The following PRDM13 variants were observed in gnomAD, a reference collection of about 807,000 sequenced individuals.
PRDM13 encodes the protein PR/SET domain 13.
PRDM13 carries 15 observed loss-of-function variants against 36.4 expected under a neutral mutation model. That is an observed-to-expected ratio of 0.41 (90% confidence interval 0.28 to 0.64). The LOEUF is 0.64. Ranked by LOEUF, PRDM13 falls within the 30% of genes least tolerant of loss-of-function variation. The pLI is 0.29. For synonymous variants in PRDM13, 531 were observed against 467.7 expected (o/e 1.14, Z -1.75); for missense variants, 1,044 against 1,013.5 (o/e 1.03, Z -0.41).
chr6:99,613,673 G>T lies in PRDM13; in HGVS notation c.1038G>T (p.Ala346=). ...CGRPGSGENS[A]AGGAGHHHHH... is the part of the protein sequence containing the mutation. ...GCCCCGGGAGCGGGGAGAACTCGGC[G>T]GCGGGCGGCGCGGGTCACCACCATC... Residue 346 remains alanine, a synonymous_variant, in exon 4 of 4, where the codon GCG becomes GCT. Transcript: ENST00000369215. The surrounding 1 kb of genome is among the most constrained non-coding windows in gnomAD (Gnocchi z 6.1). 7.0e-7 allele frequency: 1 copy of T among 1,423,544 alleles called. No individual in the cohort carries two copies. Among genetic ancestry groups the T allele is most frequent in the Non-Finnish European group, 9.1e-7 (1 of 1,104,412 alleles). 88.2% of individuals were successfully genotyped at this position (1,423,544 alleles called of 1,614,324 possible).
Position 99,610,326 on chromosome 6 carries a change from G to A in PRDM13, c.397+1019G>A, listed in dbSNP as rs549349645. Among the ~76,000 whole-genome samples the A allele has an allele frequency of 3.9e-5, 6 of 152,302 alleles. No homozygotes were observed. In the South Asian group the frequency reaches 1.2e-3, roughly 32 times the overall value. ...GTCTAGGAGGTGCTAGAATAGTTGA[G>A]GTTTTGGAGACTTCCTTTTCACACA... On this transcript the variant is annotated intron_variant, in intron 3 of 3. Coordinates refer to ENST00000369215, the MANE Select transcript of PRDM13 (RefSeq NM_021620.4).
intron 1 of PRDM13, 67 bp from the exon 2 acceptor site, chr6:99,608,674 A>AAACT: frequency 6.5e-7 from 1 of 1,536,856 alleles, no homozygotes; most frequent in East Asian, 2.3e-5. Context: ...GGTGGAGGAT[A>AAACT]AACTTTCTGT....
At chr6:99,611,903 A>G (rs1440189099) in intron 3 of PRDM13, among the ~76,000 whole-genome samples, 1 of 152,196 alleles carries the variant, frequency 6.6e-6, no homozygotes, top group East Asian at 1.9e-4. Context: ...CAACTGCAAG[A>G]TCATTTCTCT....
In PRDM13 at chr6:99,614,751, G is replaced by A. The variant is rs770928099; in HGVS notation, c.2116G>A (p.Asp706Asn). ...CGAGGTTGGGGGCGGCGGGGAGCGC[G>A]ACTTGTAACGAGTCTTCCCGGGAAG... ...DPEVGGGGER[D>N]L is the part of the protein sequence containing the mutation. Residue 706 changes from aspartate (D) to asparagine (N), a missense_variant, in exon 4 of 4, where the codon GAC becomes AAC. By Grantham distance (23) the Asp-to-Asn change is conservative. Coordinates refer to ENST00000369215, the MANE Select transcript of PRDM13 (RefSeq NM_021620.4). 8.3e-6 allele frequency: 13 copies of A among 1,568,888 alleles called. No individual in the cohort carries two copies. Among genetic ancestry groups the A allele is most frequent in the African/African-American group, 1.4e-5 (1 of 73,350 alleles).
In PRDM13 at chr6:99,613,757, G is replaced by GCCA. The variant is rs1227683492; in HGVS notation, c.1124_1125insACC (p.Pro378dup). 5 of 1,484,140 alleles carry GCCA rather than the reference G, an allele frequency of 3.4e-6. No individual in the cohort carries two copies. The African/African-American group carries it at 5.9e-5, about 17-fold the overall frequency. 91.9% of individuals were successfully genotyped at this position (1,484,140 alleles called of 1,614,324 possible). A position where few individuals can be genotyped will look rare whatever the true frequency, so the allele number is the denominator to read the frequency against. On this transcript the variant is annotated inframe_insertion, in exon 4 of 4. Transcript: ENST00000369215. This position sits in a 1 kb window ranked among gnomAD's most constrained non-coding sequence, Gnocchi z 6.1. ...GCCTGCTCGCTGGGGACCCGCCGCC[G>GCCA]CCGCCGCCGCCTGGCCTGCCCTGCT...
intron 3 of PRDM13, among the ~76,000 whole-genome samples, chr6:99,609,547 A>C (rs1770002598): frequency 6.6e-6 from 1 of 152,192 alleles, no homozygotes; most frequent in South Asian, 2.1e-4. Context: ...TAATGGGGCC[A>C]TCCTTTTTCT....
In PRDM13 at chr6:99,614,354, C is replaced by G; in HGVS notation, c.1719C>G (p.His573Gln). Reference sequence around the variant, plus strand: ...GCGCAGGTAAGCCCAAGACCGGCCACCTGTGCCTCTACTGTGGCAAGCTGT... The same window carrying G: ...GCGCAGGTAAGCCCAAGACCGGCCAGCTGTGCCTCTACTGTGGCAAGCTGT... ...GSGAGKPKTGHLCLYCGKLYS... is the reference protein window; with the variant it reads ...GSGAGKPKTGQLCLYCGKLYS... Residue 573 changes from histidine to glutamine, a missense_variant, in exon 4 of 4, where the codon CAC becomes CAG. Physicochemically the swap from His to Gln is conservative, Grantham distance 24. This residue lies in a region of PRDM13 where 921 missense variants were observed against 865.2 expected (regional missense o/e 1.06). Transcript: ENST00000369215. The G allele has an allele frequency of 6.2e-7, 1 of 1,612,580 alleles. No individual in the cohort carries two copies. Among genetic ancestry groups the G allele is most frequent in the Non-Finnish European group, 8.5e-7 (1 of 1,179,726 alleles).
intron 3 of PRDM13, 142 bp from the exon 4 acceptor site, chr6:99,612,891 A>G (rs1770052132): frequency 1.4e-6 from 2 of 1,458,766 alleles, no homozygotes; most frequent in South Asian, 1.4e-5. Context: ...TCCTCGATAC[A>G]GTAGGGCTAC....
chr6:99,613,243 C>A lies in PRDM13; in HGVS notation c.608C>A (p.Ser203Tyr). 9 of 1,610,442 alleles carry A rather than the reference C, an allele frequency of 5.6e-6. No individual in the cohort carries two copies. Among genetic ancestry groups the A allele is most frequent in the East Asian group, 2.2e-5 (1 of 44,820 alleles). The change falls in exon 4 of 4, where the codon TCC becomes TAC. Residue 203 changes from serine to tyrosine, a missense_variant. Physicochemically the swap from Ser to Tyr is moderately radical, Grantham distance 144. Around this residue, in one of 3 missense-constraint regions of PRDM13, gnomAD observed 921 missense variants for 865.2 expected, o/e 1.06. Coordinates refer to ENST00000369215, the MANE Select transcript of PRDM13 (RefSeq NM_021620.4). This position sits in a 1 kb window ranked among gnomAD's most constrained non-coding sequence, Gnocchi z 6.1. ...CCGGCGCCCGATTTCGCCGCGCCTT[C>A]CCAGGCAGGAACTTTGCGACCCCAC... ...KPPAPDFAAP[S>Y]QAGTLRPHPL...
chr6:99,607,348 A>G, intron 1 of PRDM13, 170 bp downstream of exon 1: 1 of 1,077,810 alleles, frequency 9.3e-7, no homozygotes, highest in Non-Finnish European at 1.3e-6. Flanking sequence ...TTTAACTGTG[A>G]GAGCTGGACG....
At position 99,607,110 on chromosome 6, in the gene PRDM13, C is replaced by G. The variant is rs1286448797; in HGVS notation, c.76C>G (p.Pro26Ala). ...CATCCCGGCCGGCTTGCGCCTCGGA[C>G]CGGTGCCTGGTACCTTCAAGCTGGG... ...CCIPAGLRLG[P>A]VPGTFKLGKY... Residue 26 changes from proline (P) to alanine (A), a missense_variant, in exon 1 of 4, where the codon CCG (proline) becomes GCG (alanine). By Grantham distance (27) the Pro-to-Ala change is conservative. Around this residue, in one of 3 missense-constraint regions of PRDM13, gnomAD observed 921 missense variants for 865.2 expected, o/e 1.06. Transcript: ENST00000369215. 6.2e-7 allele frequency: 1 copy of G among 1,613,682 alleles called. No homozygotes were observed. The highest frequency in any genetic ancestry group is 1.7e-5 in the Admixed American group (1 of 60,004).
Position 99,613,136 on chromosome 6 carries a change from C to A in PRDM13, c.501C>A (p.Gly167=). The change falls in exon 4 of 4, where the codon GGC becomes GGA. Residue 167 remains glycine, a synonymous_variant. Transcript: ENST00000369215. The surrounding 1 kb of genome is among the most constrained non-coding windows in gnomAD (Gnocchi z 6.1). ...ACTGCGTGTTCAGCGGCGGTGGAGGCGGCGCCTTCCTGCACCACGAACACG... is the reference window on the plus strand; with the variant it reads ...ACTGCGTGTTCAGCGGCGGTGGAGGAGGCGCCTTCCTGCACCACGAACACG... ...RFHCVFSGGG[G]GAFLHHEHAA... is the part of the protein sequence containing the mutation. 1 of 1,613,244 alleles carries A rather than the reference C, an allele frequency of 6.2e-7. No homozygotes were observed.
rs776318839 is a variant in PRDM13 at position 99,614,095 on chromosome 6, G to A, written c.1460G>A (p.Gly487Asp). Residue 487 changes from glycine (G) to aspartate (D), a missense_variant, in exon 4 of 4, where the codon GGC (glycine) becomes GAC (aspartate). Gly to Asp is a moderately conservative substitution (Grantham distance 94, BLOSUM62 -1). Around this residue, in one of 3 missense-constraint regions of PRDM13, gnomAD observed 921 missense variants for 865.2 expected, o/e 1.06. Transcript: ENST00000369215. Reference sequence around the variant, plus strand: ...TATTACCCGCTCAAATTGCACTTCGGCGGGCTGCTGAAGTATCCGGAGTCC... The same window carrying A: ...TATTACCCGCTCAAATTGCACTTCGACGGGCTGCTGAAGTATCCGGAGTCC... ...TAYYPLKLHF[G>D]GLLKYPESIS... 16 of 1,599,240 alleles carry A rather than the reference G, an allele frequency of 1.0e-5. No individual in the cohort carries two copies. The highest frequency in any genetic ancestry group is 1.3e-5 in the Non-Finnish European group (15 of 1,173,754).
Position 99,614,639 on chromosome 6 carries a change from C to G in PRDM13, c.2004C>G (p.Ala668=), listed in dbSNP as rs564312646. Reference sequence around the variant, plus strand: ...CCAAAGCGGGCGACGGCCCGGGTGCCGAGCCCGGCTATCCCCCGGAGCCTG... The same window carrying G: ...CCAAAGCGGGCGACGGCCCGGGTGCGGAGCCCGGCTATCCCCCGGAGCCTG... ...LLAKAGDGPG[A]EPGYPPEPGD... The change falls in exon 4 of 4, where the codon GCC becomes GCG. Residue 668 remains alanine, a synonymous_variant. Coordinates refer to ENST00000369215, the MANE Select transcript of PRDM13 (RefSeq NM_021620.4). 4.1e-5 allele frequency: 66 copies of G among 1,612,246 alleles called. No homozygotes were observed. Among genetic ancestry groups the G allele is most frequent in the Non-Finnish European group, 4.8e-5 (57 of 1,179,806 alleles).
At position 99,606,917 on chromosome 6, in the gene PRDM13, G is replaced by T; in HGVS notation, c.-118G>T. 1 of 1,330,296 alleles carries T rather than the reference G, an allele frequency of 7.5e-7. No individual in the cohort carries two copies. Among genetic ancestry groups the T allele is most frequent in the South Asian group, 1.6e-5 (1 of 63,140 alleles). The allele number at this position is 1,330,296 out of a possible 1,614,324, so 82.4% of individuals were successfully genotyped here. A position where few individuals can be genotyped will look rare whatever the true frequency, so the allele number is the denominator to read the frequency against. On this transcript the variant is annotated 5_prime_UTR_variant, in exon 1 of 4. Transcript: ENST00000369215. Reference sequence around the variant, plus strand: ...TGCATGCCCGCCCGCGTCACTCCGCGGGCGGAGGACGCACGTCGGGGCGCG... The same window carrying T: ...TGCATGCCCGCCCGCGTCACTCCGCTGGCGGAGGACGCACGTCGGGGCGCG...
At position 99,613,917 on chromosome 6, in the gene PRDM13, G is replaced by A; in HGVS notation, c.1282G>A (p.Gly428Arg). 6.3e-7 allele frequency: 1 copy of A among 1,586,268 alleles called. No individual in the cohort carries two copies. The highest frequency in any genetic ancestry group is 2.4e-5 in the East Asian group (1 of 42,142). The change falls in exon 4 of 4, where the codon GGG becomes AGG. Residue 428 changes from glycine to arginine, a missense_variant. Around this residue, in one of 3 missense-constraint regions of PRDM13, gnomAD observed 921 missense variants for 865.2 expected, o/e 1.06. Coordinates refer to ENST00000369215, the MANE Select transcript of PRDM13 (RefSeq NM_021620.4). This position sits in a 1 kb window ranked among gnomAD's most constrained non-coding sequence, Gnocchi z 6.1. ...TTATGCGCAGCTGCCCCCTGCGCCG[G>A]GGTTGCCCCTCGAGCGCTGCGCGCT... The part of the protein sequence containing the change: ...ARYAQLPPAP[G>R]LPLERCALPP...
rs1379811890 is a variant in PRDM13 at position 99,614,612 on chromosome 6, C to T, written c.1977C>T (p.Leu659=). 6.2e-7 allele frequency: 1 copy of T among 1,612,560 alleles called. No homozygotes were observed. The stretch of plus-strand genomic sequence containing the variant: ...CCCGCCACCCTGGCCAGAGTCTGCT[C>T]GCCAAAGCGGGCGACGGCCCGGGTG... ...VKSRHPGQSL[L]AKAGDGPGAE... Residue 659 remains leucine, a synonymous_variant, in exon 4 of 4, where the codon CTC becomes CTT. Coordinates refer to ENST00000369215, the MANE Select transcript of PRDM13 (RefSeq NM_021620.4).
chr6:99,612,966 T>A, intron 3 of PRDM13, 67 bp from the exon 4 acceptor site: 1 of 1,585,692 alleles, frequency 6.3e-7, no homozygotes, highest in Non-Finnish European at 8.6e-7. Flanking sequence ...TTGGGTGCAC[T>A]GGCGCTTTCT....
At position 99,613,334 on chromosome 6, in the gene PRDM13, C is replaced by A; in HGVS notation, c.699C>A (p.Ser233=). Residue 233 remains serine, a synonymous_variant, in exon 4 of 4, where the codon TCC becomes TCA. Transcript: ENST00000369215. The surrounding 1 kb of genome is among the most constrained non-coding windows in gnomAD (Gnocchi z 6.1). Reference sequence around the variant, plus strand: ...AGGGCATCAAGCGCGAGGCCTCTTCCGCGCCCTCGGCCACCTCGCCGACCC... The same window carrying A: ...AGGGCATCAAGCGCGAGGCCTCTTCAGCGCCCTCGGCCACCTCGCCGACCC... ...AREGIKREAS[S]APSATSPTPG... is the part of the protein sequence containing the mutation. The A allele has an allele frequency of 6.4e-7, 1 of 1,552,496 alleles. No individual in the cohort carries two copies. The highest frequency in any genetic ancestry group is 8.7e-7 in the Non-Finnish European group (1 of 1,153,818).
Sources: allele counts gnomAD v4.1 joint callset (sites outside exome capture counted in the v4.1 genomes callset), GRCh38; gene constraint gnomAD v4.1.1; regional missense constraint gnomAD v4.1.1; non-coding constraint Gnocchi (gnomAD v3.1); transcripts MANE v1.5; gene names NCBI Gene and HGNC (gene_info 2026-07-23, HGNC 2026-07-21).